The following TMEM245 variants were observed in gnomAD, a reference collection of about 807,000 sequenced individuals.
TMEM245 encodes the protein transmembrane protein 245.
Under a neutral mutation model 101.2 loss-of-function variants are expected in TMEM245, and 69 were observed. That is an observed-to-expected ratio of 0.68 (90% CI 0.56 to 0.83). The LOEUF is 0.83. TMEM245 is among the 40% of genes least tolerant of loss of function. The pLI is 0.00. For synonymous variants in TMEM245, 537 were observed against 449.8 expected (o/e 1.19, Z -2.45); for missense variants, 1,075 against 1,092.8 (o/e 0.98, Z 0.23).
At chr9:109,086,563 C>T (rs1193676696) in intron 6 of TMEM245, among the ~76,000 whole-genome samples, 4 of 152,164 alleles carry the variant, frequency 2.6e-5, no homozygotes, top group Non-Finnish European at 5.9e-5. Context: ...ACATATATTA[C>T]CTCATTTAAC....
At chr9:109,046,658 T>C (rs1219523468) in intron 14 of TMEM245, among the ~76,000 whole-genome samples, 1 of 152,214 alleles carries the variant, frequency 6.6e-6, no homozygotes, top group Non-Finnish European at 1.5e-5. Context: ...TGTAATGATT[T>C]CCACTTAGCT....
Position 109,019,224 on chromosome 9 carries a change from G to A in TMEM245, c.*1236C>T, listed in dbSNP as rs1219452403. 1.3e-5 allele frequency: 2 copies of A among 152,112 alleles called. No individual in the cohort carries two copies. The highest frequency in any genetic ancestry group is 2.4e-5 in the African/African-American group (1 of 41,398). 9.4% of individuals were successfully genotyped at this position (152,112 alleles called of 1,614,324 possible). A position where few individuals can be genotyped will look rare whatever the true frequency, so the allele number is the denominator to read the frequency against. ...TAGCAACACCAATCTCGTAACACTG[G>A]GAAAACTGCATACAATATTTAGAAG... On this transcript the variant is annotated 3_prime_UTR_variant, in exon 18 of 18. Transcript: ENST00000374586.
intron 12 of TMEM245, 104 bp downstream of exon 12, chr9:109,057,087 G>A: frequency 7.8e-7 from 1 of 1,275,254 alleles, no homozygotes; most frequent in East Asian, 2.5e-5. Flanking sequence ...ATGTCATGAT[G>A]TTAAAAACAG....
At chr9:109,108,713 G>T in intron 1 of TMEM245, 143 bp from the exon 2 acceptor site, 1 of 521,108 alleles carries the variant, frequency 1.9e-6, no homozygotes, top group Non-Finnish European at 3.3e-6. Flanking sequence ...TCAAAGAAAC[G>T]TACCTAGGTT....
chr9:109,115,164 T>C (rs534123452), intron 1 of TMEM245, among the ~76,000 whole-genome samples: 2 of 152,150 alleles, frequency 1.3e-5, no homozygotes, highest in African/African-American at 4.8e-5. Context: ...CTGGCCAACA[T>C]GGTGAAACCC....
intron 17 of TMEM245, among the ~76,000 whole-genome samples, chr9:109,024,301 A>G (rs1021381023): frequency 1.3e-5 from 2 of 152,220 alleles, no homozygotes; most frequent in Non-Finnish European, 2.9e-5. Flanking sequence ...CAAATTTGGA[A>G]TAAAGTTCTA....
At chr9:109,049,223 T>C (rs1168445394) in intron 14 of TMEM245, among the ~76,000 whole-genome samples, 1 of 152,178 alleles carries the variant, frequency 6.6e-6, no homozygotes, top group African/African-American at 2.4e-5. Flanking sequence ...TAAATTTTGT[T>C]TTGTTTTTGA....
chr9:109,066,452 CAAAAAAA>C (rs386415818), intron 9 of TMEM245, among the ~76,000 whole-genome samples: 6,288 of 52,482 alleles, frequency 0.12, 276 homozygotes, highest in Admixed American at 0.28. Context: ...AAGACTGTCT[CAAAAAAA>C]AAAAAAAAAA....
At position 109,086,132 on chromosome 9, in the gene TMEM245, A is replaced by C. The variant is rs910426510; in HGVS notation, c.1321-112T>G. ...GAAAGCATGAGAAGGAAACCATCCC[A>C]GACAAAGGAAAAACTAGGGACGGAA... On this transcript the variant is annotated intron_variant, in intron 6 of 17. Transcript: ENST00000374586. 1.0e-5 allele frequency: 12 copies of C among 1,158,316 alleles called. No homozygotes were observed. The African/African-American group carries it at 1.7e-4, about 17-fold the overall frequency. The allele number at this position is 1,158,316 out of a possible 1,614,324, so 71.8% of individuals were successfully genotyped here. A position where few individuals can be genotyped will look rare whatever the true frequency, so the allele number is the denominator to read the frequency against.
chr9:109,081,243 C>A (rs1048492288), intron 7 of TMEM245, among the ~76,000 whole-genome samples: 1 of 152,062 alleles, frequency 6.6e-6, no homozygotes, highest in Non-Finnish European at 1.5e-5. Context: ...TAATTTATAA[C>A]CTGGTAAGTA....
intron 8 of TMEM245, among the ~76,000 whole-genome samples, chr9:109,073,705 A>G (rs762350011): frequency 6.6e-6 from 1 of 152,256 alleles, no homozygotes; most frequent in Non-Finnish European, 1.5e-5. Context: ...CAAATACTTG[A>G]CACGTATATG....
chr9:109,068,196 T>C (rs1435959391), intron 9 of TMEM245, among the ~76,000 whole-genome samples: 3 of 151,696 alleles, frequency 2.0e-5, no homozygotes, highest in Admixed American at 2.0e-4. Flanking sequence ...TGAAACCCTA[T>C]CTCTACTAAA....
chr9:109,066,051 T>C (rs907611175), intron 9 of TMEM245, among the ~76,000 whole-genome samples: 2 of 152,198 alleles, frequency 1.3e-5, no homozygotes, highest in African/African-American at 4.8e-5. Flanking sequence ...AATTAAAAAG[T>C]AGACTATTAA....
At chr9:109,094,958 C>T (rs1830099365) in intron 3 of TMEM245, among the ~76,000 whole-genome samples, 1 of 152,152 alleles carries the variant, frequency 6.6e-6, no homozygotes, top group Non-Finnish European at 1.5e-5. Flanking sequence ...CAAAGCTAGC[C>T]CTCTCCCAGA....
At position 109,064,346 on chromosome 9, in the gene TMEM245, T is replaced by C; in HGVS notation, c.1623+131A>G. On this transcript the variant is annotated intron_variant, in intron 10 of 17. Coordinates refer to ENST00000374586, the MANE Select transcript of TMEM245 (RefSeq NM_032012.4). ...ATCTTTCAAAAGATTTCATTGTATG[T>C]TGCTTACCTGTTTATTTAAGCCTAT... 6 of 744,298 alleles carry C rather than the reference T, an allele frequency of 8.1e-6. No homozygotes were observed. The South Asian group carries it at 1.1e-4, about 13-fold the overall frequency. The allele number at this position is 744,298 out of a possible 1,614,324, so 46.1% of individuals were successfully genotyped here. A position where few individuals can be genotyped will look rare whatever the true frequency, so the allele number is the denominator to read the frequency against.
chr9:109,066,953 G>A (rs901923923), intron 9 of TMEM245, among the ~76,000 whole-genome samples: 1 of 151,910 alleles, frequency 6.6e-6, no homozygotes, highest in Non-Finnish European at 1.5e-5. Context: ...CTACTTGGGA[G>A]GCTGAGGAAG....
chr9:109,026,895 C>T (rs1337908930), intron 17 of TMEM245, among the ~76,000 whole-genome samples: 1 of 152,080 alleles, frequency 6.6e-6, no homozygotes, highest in African/African-American at 2.4e-5. Context: ...ATGTGACACA[C>T]CTGCTCCCCC....
In TMEM245 at chr9:109,108,118, CAT is replaced by C. The variant is rs560145242; in HGVS notation, c.697+333_697+334del. ...CTAGTTCCTTTAACTGGTTCTCACACATGTCTCTGAGCACCTCTTATCGTTGA... is the reference window on the plus strand; with the variant it reads ...CTAGTTCCTTTAACTGGTTCTCACACGTCTCTGAGCACCTCTTATCGTTGA... On this transcript the variant is annotated intron_variant, in intron 2 of 17. Transcript: ENST00000374586. 5.1e-4 allele frequency among the ~76,000 whole-genome samples: 77 copies of C among 152,278 alleles called. 1 individual carries two copies. The East Asian group carries it at 5.8e-3, about 11-fold the overall frequency.
intron 16 of TMEM245, among the ~76,000 whole-genome samples, chr9:109,034,043 A>G (rs1828047208): frequency 6.6e-6 from 1 of 152,236 alleles, no homozygotes; most frequent in Non-Finnish European, 1.5e-5. Context: ...ACAAAGCCCA[A>G]GATTTCTATT....
Sources: gnomAD v4.1 joint callset for allele counts (sites outside exome capture counted in the v4.1 genomes callset) on GRCh38, gnomAD v4.1.1 for gene constraint, MANE v1.5 for transcripts, NCBI Gene and HGNC (gene_info 2026-07-23, HGNC 2026-07-21) for gene names.